The following NEGR1 variants were observed in gnomAD, a reference collection of about 807,000 sequenced individuals.
The protein encoded by NEGR1 is IgLON family member 4.
NEGR1 carries 10 observed loss-of-function variants against 40.9 expected under a neutral mutation model. That is an observed-to-expected ratio of 0.24 (90% confidence interval 0.15 to 0.42). The LOEUF is 0.42. Among genes scored for constraint, NEGR1 ranks in the 10% least tolerant of loss-of-function variants. NEGR1 has a pLI of 1.00. For synonymous variants in NEGR1, 185 were observed against 166.8 expected (o/e 1.11, Z -0.84); for missense variants, 352 against 438.9 (o/e 0.80, Z 1.77).
intron 2 of NEGR1, among the ~76,000 whole-genome samples, chr1:71,855,404 AG>A (rs890714877): frequency 1.3e-5 from 2 of 151,466 alleles, no homozygotes; most frequent in African/African-American, 4.8e-5. Context: ...CTAGGAGAAA[AG>A]CAGTTGATTT....
At chr1:72,021,891 T>C (rs911065702) in intron 1 of NEGR1, among the ~76,000 whole-genome samples, 6 of 152,224 alleles carry the variant, frequency 3.9e-5, no homozygotes, top group Admixed American at 3.9e-4. Context: ...ATCCCAGCAC[T>C]TTGGGAGGCC....
intron 2 of NEGR1, chr1:71,798,199 G>C (rs760971748): frequency 1.3e-5 from 2 of 152,000 alleles, no homozygotes; most frequent in East Asian, 1.9e-4. Flanking sequence ...CACTGATCCA[G>C]ACCATTTAGA....
At chr1:71,990,871 T>C (rs1646443449) in intron 1 of NEGR1, among the ~76,000 whole-genome samples, 1 of 151,620 alleles carries the variant, frequency 6.6e-6, no homozygotes, top group African/African-American at 2.4e-5. Flanking sequence ...TTCTTAATAA[T>C]GACTCTCCCA....
At chr1:71,631,275 T>A (rs1412344859) in intron 4 of NEGR1, among the ~76,000 whole-genome samples, 1 of 151,816 alleles carries the variant, frequency 6.6e-6, no homozygotes, top group Non-Finnish European at 1.5e-5. Flanking sequence ...CTTAAAATAT[T>A]ATAGGTGTGT....
intron 3 of NEGR1, among the ~76,000 whole-genome samples, chr1:71,746,786 A>G (rs1016975636): frequency 6.6e-6 from 1 of 151,948 alleles, no homozygotes; most frequent in Non-Finnish European, 1.5e-5. Flanking sequence ...ACACACACAC[A>G]CACACACAGA....
At chr1:72,249,457 T>C (rs1655012754) in intron 1 of NEGR1, among the ~76,000 whole-genome samples, 1 of 152,184 alleles carries the variant, frequency 6.6e-6, no homozygotes, top group Non-Finnish European at 1.5e-5. Flanking sequence ...CCACAAATAT[T>C]TCCTGGTAGC....
rs960992160 is a variant in NEGR1, at chr1:71,517,690, C to T, written c.940+75127G>A. On this transcript the variant is annotated intron_variant, in intron 6 of 6. Coordinates refer to ENST00000357731, the MANE Select transcript of NEGR1 (RefSeq NM_173808.3). ...ACAAGACAAGGATGCCCTCTCTCAC[C>T]GCTCCTATTCAACATAGTGTTGGAA... Among the ~76,000 whole-genome samples, 14 of 130,844 alleles carry T rather than the reference C, an allele frequency of 1.1e-4. No individual in the cohort carries two copies. In the East Asian group the frequency reaches 1.1e-3, roughly 11 times the overall value. 85.8% of individuals were successfully genotyped at this position (130,844 alleles called of 152,430 possible).
At chr1:71,630,654 G>A (rs1037373980) in intron 4 of NEGR1, among the ~76,000 whole-genome samples, 1 of 151,826 alleles carries the variant, frequency 6.6e-6, no homozygotes. Flanking sequence ...GTGTGTGTTT[G>A]TGTGTCTGTG....
intron 1 of NEGR1, among the ~76,000 whole-genome samples, chr1:72,010,073 TC>T: frequency 6.6e-6 from 1 of 152,158 alleles, no homozygotes; most frequent in African/African-American, 2.4e-5. Context: ...GAAAACTAAG[TC>T]CCCTCTGCCA....
chr1:72,000,777 G>A (rs571734174), intron 1 of NEGR1, among the ~76,000 whole-genome samples: 31 of 152,098 alleles, frequency 2.0e-4, no homozygotes, highest in Admixed American at 7.9e-4. Context: ...TTTATTTTAC[G>A]CTATCACTGT....
intron 4 of NEGR1, among the ~76,000 whole-genome samples, chr1:71,680,455 T>C (rs1178543510): frequency 6.6e-6 from 1 of 152,104 alleles, no homozygotes; most frequent in Non-Finnish European, 1.5e-5. Context: ...TAGAATTCTG[T>C]CTCTATTTCA....
Position 72,052,979 on chromosome 1 carries a change from C to T in NEGR1, c.177-117668G>A, listed in dbSNP as rs377226473. ...ATTTTCCAAGCCTGAGTCAACACTG[C>T]TTCACTTTGCATTCCTACTACTCTC... On this transcript the variant is annotated intron_variant, in intron 1 of 6. Transcript: ENST00000357731. Among the ~76,000 whole-genome samples the T allele has an allele frequency of 5.3e-4, 81 of 151,552 alleles. No homozygotes were observed. The Middle Eastern group carries it at 0.01, about 19-fold the overall frequency.
intron 5 of NEGR1, among the ~76,000 whole-genome samples, chr1:71,605,033 A>G (rs1650034226): frequency 6.6e-6 from 1 of 152,110 alleles, no homozygotes. Context: ...CCTCATTTGC[A>G]ACGTTTTCAT....
At chr1:72,154,397 T>C (rs902632347) in intron 1 of NEGR1, among the ~76,000 whole-genome samples, 4 of 151,992 alleles carry the variant, frequency 2.6e-5, no homozygotes, top group African/African-American at 4.8e-5. Flanking sequence ...TCTCAGAACC[T>C]CTTCCAAAAT....
chr1:71,414,564 G>A (rs141171046), intron 6 of NEGR1, among the ~76,000 whole-genome samples: 1 of 152,194 alleles, frequency 6.6e-6, no homozygotes, highest in African/African-American at 2.4e-5. Flanking sequence ...AAATCAAATG[G>A]TCCAGATCCT....
At chr1:71,462,573 G>A (rs1002834700) in intron 6 of NEGR1, among the ~76,000 whole-genome samples, 5 of 152,124 alleles carry the variant, frequency 3.3e-5, no homozygotes, top group Non-Finnish European at 4.4e-5. Context: ...TGGGAGTGGA[G>A]GGAGAGAAGC....
chr1:72,225,448 T>C (rs1013973052), intron 1 of NEGR1, among the ~76,000 whole-genome samples: 2 of 151,748 alleles, frequency 1.3e-5, no homozygotes, highest in African/African-American at 4.8e-5. Context: ...AATATTCATA[T>C]TTTACATAAA....
chr1:71,916,928 T>C (rs1661602161), intron 2 of NEGR1, among the ~76,000 whole-genome samples: 1 of 152,224 alleles, frequency 6.6e-6, no homozygotes, highest in Non-Finnish European at 1.5e-5. Context: ...TGGGGCTGTG[T>C]GTGATGGGCA....
chr1:71,735,799 T>G (rs374432043), intron 3 of NEGR1, among the ~76,000 whole-genome samples: 9 of 152,232 alleles, frequency 5.9e-5, no homozygotes, highest in Admixed American at 5.2e-4. Flanking sequence ...TGACAGGTAC[T>G]AGAGGGCCAC....
Sources: allele counts gnomAD v4.1 joint callset (sites outside exome capture counted in the v4.1 genomes callset), GRCh38; gene constraint gnomAD v4.1.1; transcripts MANE v1.5; gene names NCBI Gene and HGNC (gene_info 2026-07-23, HGNC 2026-07-21).